Variants in ADGRA1 observed in about 807,000 individuals in gnomAD.
The protein encoded by ADGRA1 is G-protein coupled receptor 123.
Under a neutral mutation model 21.3 loss-of-function variants are expected in ADGRA1, and 12 were observed. The ratio of observed to expected loss-of-function variants is 0.56; its 90% CI spans 0.36 to 0.91. The LOEUF is 0.91. Among genes scored for constraint, ADGRA1 ranks in the 40% least tolerant of loss-of-function variants. The probability of loss-of-function intolerance (pLI) is 0.01; values close to 1 mark genes in which losing one functional copy is unlikely to be tolerated. For missense variants in ADGRA1, 790 were observed against 805.6 expected (o/e 0.98, Z 0.23); for synonymous variants, 385 against 368.8 (o/e 1.04, Z -0.50).
At chr10:133,127,690 T>C (rs1422893124) in intron 6 of ADGRA1, among the ~76,000 whole-genome samples, 3 of 152,144 alleles carry the variant, frequency 2.0e-5, no homozygotes, top group African/African-American at 7.2e-5. Context: ...AGAGCCAGCC[T>C]GGAACCTCTC....
intron 2 of ADGRA1, among the ~76,000 whole-genome samples, chr10:133,096,330 G>A (rs981484884): frequency 2.0e-5 from 3 of 152,164 alleles, no homozygotes; most frequent in African/African-American, 2.4e-5. Context: ...CAGCTGGGTC[G>A]ATTTTCCCCC....
At chr10:133,104,508 C>T (rs1035962339) in intron 5 of ADGRA1, among the ~76,000 whole-genome samples, 2 of 152,304 alleles carry the variant, frequency 1.3e-5, no homozygotes, top group Non-Finnish European at 2.9e-5. Context: ...CGGGGCTCGG[C>T]ACTGACCGGC....
intron 5 of ADGRA1, among the ~76,000 whole-genome samples, chr10:133,126,394 T>C (rs1474415334): frequency 6.6e-6 from 1 of 152,218 alleles, no homozygotes; most frequent in African/African-American, 2.4e-5. Flanking sequence ...CCACTGCACC[T>C]TGGAGCCCAC....
At position 133,093,348 on chromosome 10, in the gene ADGRA1, C is replaced by T. The variant is rs2135864799; in HGVS notation, c.4-3626C>T. On this transcript the variant is annotated intron_variant, in intron 2 of 6. Transcript: ENST00000392607. ...TTTGTTTTTGTCTTTAACACCCTGA[C>T]CCACTTGATTTGCAGAACACACCAA... 7 of 1,457,130 alleles carry T rather than the reference C, an allele frequency of 4.8e-6. 1 individual carries two copies. In the South Asian group the frequency reaches 9.3e-5, roughly 19 times the overall value. The allele number at this position is 1,457,130 out of a possible 1,614,324, so 90.3% of individuals were successfully genotyped here.
In ADGRA1 at chr10:133,101,824, G is replaced by A. The variant is rs144295201; in HGVS notation, c.256-873G>A. 5.7e-3 allele frequency among the ~76,000 whole-genome samples: 866 copies of A among 152,254 alleles called. 8 individuals carry two copies. Among genetic ancestry groups the A allele is most frequent in the African/African-American group, 0.019 (800 of 41,556 alleles). ...GGCTGCTGTGTCTCCTGCCCCCAGC[G>A]GCGCACAGGGATCTCACCTGAAACT... On this transcript the variant is annotated intron_variant, in intron 4 of 6. Transcript: ENST00000392607.
intron 5 of ADGRA1, among the ~76,000 whole-genome samples, chr10:133,109,264 C>A (rs1851945710): frequency 6.6e-6 from 1 of 152,084 alleles, no homozygotes; most frequent in Non-Finnish European, 1.5e-5. Flanking sequence ...CCTTTCCTGT[C>A]CCTCCTCCTC....
At chr10:133,089,003 G>A in intron 2 of ADGRA1, 91 bp downstream of exon 2, 1 of 1,234,718 alleles carries the variant, frequency 8.1e-7, no homozygotes, top group South Asian at 4.1e-5. Flanking sequence ...GGCTGGAAAA[G>A]TTGTGGAATG....
intron 5 of ADGRA1, among the ~76,000 whole-genome samples, chr10:133,111,041 C>T (rs1004967515): frequency 3.3e-5 from 5 of 151,620 alleles, no homozygotes; most frequent in African/African-American, 1.2e-4. Context: ...GGGCCACCTG[C>T]CCACCAGGGA....
intron 4 of ADGRA1, among the ~76,000 whole-genome samples, chr10:133,100,168 CG>C (rs1851764962): frequency 6.7e-6 from 1 of 150,214 alleles, no homozygotes; most frequent in South Asian, 2.1e-4. Context: ...GCCGTGCCCC[CG>C]GCCTGGGCCT....
intron 5 of ADGRA1, among the ~76,000 whole-genome samples, chr10:133,108,714 A>C (rs955557942): frequency 6.6e-6 from 1 of 152,060 alleles, no homozygotes; most frequent in African/African-American, 2.4e-5. Flanking sequence ...TGACCACTAC[A>C]CACATTTGCC....
chr10:133,107,771 T>C (rs769101908), intron 5 of ADGRA1, among the ~76,000 whole-genome samples: 33 of 152,212 alleles, frequency 2.2e-4, no homozygotes, highest in Non-Finnish European at 4.3e-4. Context: ...TTTTAAAATA[T>C]GCTGTTTAAT....
chr10:133,130,558 TGGGA>T lies in ADGRA1; in HGVS notation c.*1053_*1056del, dbSNP rs1852495031. The T allele has an allele frequency of 2.0e-5, 3 of 152,242 alleles. 1 individual carries two copies. The South Asian group carries it at 6.2e-4, about 32-fold the overall frequency. The allele number at this position is 152,242 out of a possible 1,614,324, so 9.4% of individuals were successfully genotyped here. A position where few individuals can be genotyped will look rare whatever the true frequency, so the allele number is the denominator to read the frequency against. ...TGAAAGCAAGTGGCCCGTCCCTAGG[TGGGA>T]GGGAGTCCAGAGGGTCATGGGTGTG... On this transcript the variant is annotated 3_prime_UTR_variant, in exon 7 of 7. Transcript: ENST00000392607.
chr10:133,092,855 A>AGGAAGGAAGGAAGGAG, intron 2 of ADGRA1: 1 of 1,265,146 alleles, frequency 7.9e-7, no homozygotes, highest in East Asian at 2.6e-5. Context: ...GAAGGAAGGA[A>AGGAAGGAAGGAAGGAG]GGAAGGAAGG....
Position 133,087,958 on chromosome 10 carries a change from G to A in ADGRA1, c.-383G>A, listed in dbSNP as rs1177871005. The A allele has an allele frequency of 5.1e-6, 5 of 984,998 alleles. No homozygotes were observed. Among genetic ancestry groups the A allele is most frequent in the Non-Finnish European group, 6.0e-6 (5 of 829,816 alleles). 61.0% of individuals were successfully genotyped at this position (984,998 alleles called of 1,614,324 possible). A position where few individuals can be genotyped will look rare whatever the true frequency, so the allele number is the denominator to read the frequency against. On this transcript the variant is annotated 5_prime_UTR_variant, in exon 1 of 7. Transcript: ENST00000392607. ...GCGGCGCTGCTGGCCGGGCTGGGCCGCTCGTGCGCGGGGCTGTGACTCACC... is the reference window on the plus strand; with the variant it reads ...GCGGCGCTGCTGGCCGGGCTGGGCCACTCGTGCGCGGGGCTGTGACTCACC...
At position 133,130,521 on chromosome 10, in the gene ADGRA1, G is replaced by GC. The variant is rs1289404409; in HGVS notation, c.*1011dup. On this transcript the variant is annotated 3_prime_UTR_variant, in exon 7 of 7. Coordinates refer to ENST00000392607, the MANE Select transcript of ADGRA1 (RefSeq NM_001083909.3). Reference sequence around the variant, plus strand: ...ACTCAAAGGACAGATGTGGATGACAGCAAGACTTCTGTGAAAGCAAGTGGC... The same window carrying GC: ...ACTCAAAGGACAGATGTGGATGACAGCCAAGACTTCTGTGAAAGCAAGTGGC... 6.6e-6 allele frequency: 1 copy of GC among 152,240 alleles called. No individual in the cohort carries two copies. The highest frequency in any genetic ancestry group is 1.9e-4 in the East Asian group (1 of 5,196). 9.4% of individuals were successfully genotyped at this position (152,240 alleles called of 1,614,324 possible). A position where few individuals can be genotyped will look rare whatever the true frequency, so the allele number is the denominator to read the frequency against.
At chr10:133,111,217 A>C (rs868823694) in intron 5 of ADGRA1, among the ~76,000 whole-genome samples, 1 of 100,320 alleles carries the variant, frequency 1.0e-5, no homozygotes, top group Non-Finnish European at 2.0e-5. Context: ...CCTGCCCACC[A>C]CAGGCACCTC....
intron 5 of ADGRA1, among the ~76,000 whole-genome samples, chr10:133,123,714 TC>T (rs3058111): frequency 0.18 from 25,674 of 144,640 alleles, 3,242 homozygotes; most frequent in East Asian, 0.46. Flanking sequence ...ACTGCCTCCC[TC>T]CCCCCCCCCG....
At chr10:133,117,027 G>A (rs375448781) in intron 5 of ADGRA1, among the ~76,000 whole-genome samples, 9 of 152,130 alleles carry the variant, frequency 5.9e-5, no homozygotes, top group Middle Eastern at 3.2e-3. Context: ...GGTCGGTCAC[G>A]CTCTCTGTAG....
intron 5 of ADGRA1, among the ~76,000 whole-genome samples, 180 bp downstream of exon 5, chr10:133,103,022 T>C (rs10857781): frequency 0.25 from 29,437 of 117,548 alleles, 2,950 homozygotes; most frequent in African/African-American, 0.29. Flanking sequence ...GAGGGTAGGG[T>C]GGTGTGCTGG....
Sources: gnomAD v4.1 joint callset for allele counts (sites outside exome capture counted in the v4.1 genomes callset) on GRCh38, gnomAD v4.1.1 for gene constraint, MANE v1.5 for transcripts, NCBI Gene and HGNC (gene_info 2026-07-23, HGNC 2026-07-21) for gene names.